Variants in CDK7 observed in about 807,000 individuals in gnomAD.
The protein encoded by CDK7 is cyclin dependent kinase 7.
A neutral mutation model predicts 49.1 loss-of-function variants in CDK7; 25 were observed. The ratio of observed to expected loss-of-function variants is 0.51; its 90% CI spans 0.37 to 0.71. The LOEUF (loss-of-function observed/expected upper bound fraction) is 0.71. CDK7 is among the 30% of genes least tolerant of loss of function. CDK7 has a pLI of 0.00. For missense variants in CDK7, 316 were observed against 411.7 expected, an observed-to-expected ratio of 0.77 and a Z score of 2.01; for synonymous variants, 107 against 140.0, an observed-to-expected ratio of 0.76 and a Z score of 1.67.
chr5:69,254,818 G>A (rs1170577760), intron 4 of CDK7, 149 bp downstream of exon 4: 19 of 576,944 alleles, frequency 3.3e-5, no homozygotes, highest in Non-Finnish European at 5.0e-5. Flanking sequence ...AGTTGTTTTG[G>A]TAGGCATTGT....
chr5:69,276,389 C>G (rs1752141689), intron 10 of CDK7, among the ~76,000 whole-genome samples, 154 bp from the exon 11 acceptor site: 2 of 152,142 alleles, frequency 1.3e-5, no homozygotes, highest in East Asian at 1.9e-4. Context: ...GTAGTAATTT[C>G]CATTTGCAAA....
chr5:69,255,820 T>G, intron 5 of CDK7: 1 of 363,654 alleles, frequency 2.7e-6, no homozygotes. Context: ...CTATAAGATT[T>G]GTTTGCTTTT....
intron 6 of CDK7, among the ~76,000 whole-genome samples, chr5:69,258,946 C>T (rs752414381): frequency 1.3e-5 from 2 of 151,964 alleles, no homozygotes; most frequent in African/African-American, 2.4e-5. Flanking sequence ...TGCAGTGGTG[C>T]ACACCTGTAG....
chr5:69,255,865 C>T, intron 5 of CDK7: 1 of 260,478 alleles, frequency 3.8e-6, no homozygotes, highest in South Asian at 3.8e-5. Flanking sequence ...GTCTGTTCAC[C>T]CAGCCTGGAG....
chr5:69,273,568 T>A (rs185244410), intron 10 of CDK7, among the ~76,000 whole-genome samples: 15 of 152,262 alleles, frequency 9.9e-5, no homozygotes, highest in Admixed American at 3.9e-4. Flanking sequence ...TGAAAAATAT[T>A]TGAAATAAAA....
intron 2 of CDK7, among the ~76,000 whole-genome samples, chr5:69,250,442 C>T (rs150774103): frequency 1.1e-4 from 17 of 152,290 alleles, no homozygotes; most frequent in African/African-American, 3.6e-4. Flanking sequence ...GGAGTTGCTC[C>T]TGTGTCCATC....
At chr5:69,257,659 G>A (rs1203206670) in intron 5 of CDK7, among the ~76,000 whole-genome samples, 1 of 152,166 alleles carries the variant, frequency 6.6e-6, no homozygotes, top group Non-Finnish European at 1.5e-5. Context: ...GTGATAATGG[G>A]GATGCCTGGG....
chr5:69,260,965 G>A (rs544928076), intron 7 of CDK7, among the ~76,000 whole-genome samples: 2 of 152,094 alleles, frequency 1.3e-5, no homozygotes, highest in South Asian at 2.1e-4. Flanking sequence ...CCACAGGCAC[G>A]CCCCACCATG....
intron 2 of CDK7, among the ~76,000 whole-genome samples, chr5:69,241,091 A>C (rs1239120225): frequency 2.0e-5 from 3 of 152,162 alleles, no homozygotes; most frequent in African/African-American, 4.8e-5. Context: ...TTCTGTTGGC[A>C]TATATACATA....
chr5:69,263,067 T>C (rs1750936589), intron 8 of CDK7, among the ~76,000 whole-genome samples: 1 of 152,202 alleles, frequency 6.6e-6, no homozygotes, highest in Non-Finnish European at 1.5e-5. Context: ...ACAGATACAA[T>C]GTTACTATAG....
chr5:69,262,325 G>T, intron 8 of CDK7, 21 bp downstream of exon 8: 1 of 1,613,842 alleles, frequency 6.2e-7, no homozygotes, highest in Non-Finnish European at 8.5e-7. Flanking sequence ...ATTAATGTAC[G>T]CACTTTAATA....
intron 9 of CDK7, among the ~76,000 whole-genome samples, chr5:69,270,537 A>G (rs142812329): frequency 5.9e-5 from 9 of 152,324 alleles, no homozygotes; most frequent in Non-Finnish European, 1.2e-4. Flanking sequence ...TCAGTACAGT[A>G]TCACACCAGG....
At chr5:69,250,900 C>G (rs1473842178) in intron 2 of CDK7, 11 of 455,832 alleles carry the variant, frequency 2.4e-5, no homozygotes, top group African/African-American at 2.2e-4. Context: ...ATCATGAATC[C>G]TAAATGGTCT....
At chr5:69,249,290 C>T (rs1191320993) in intron 2 of CDK7, among the ~76,000 whole-genome samples, 1 of 152,154 alleles carries the variant, frequency 6.6e-6, no homozygotes, top group Admixed American at 6.6e-5. Flanking sequence ...CCTGTAATCC[C>T]AGCACTTTGG....
rs1458098192 is a variant in CDK7, at chr5:69,234,999, G to A, written c.24G>A (p.Arg8=). 1.2e-6 allele frequency: 2 copies of A among 1,602,284 alleles called. No homozygotes were observed. Among genetic ancestry groups the A allele is most frequent in the Non-Finnish European group, 1.7e-6 (2 of 1,174,830 alleles). ...GGATGGCTCTGGACGTGAAGTCTCG[G>A]GCAAAGCGTTATGAGAAGCTGGACT... MALDVKS[R]AKRYEKLDFL... is the part of the protein sequence containing the mutation. Residue 8 remains arginine, a synonymous_variant, in exon 1 of 12, where the codon CGG becomes CGA. Coordinates refer to ENST00000256443, the MANE Select transcript of CDK7 (RefSeq NM_001799.4).
intron 8 of CDK7, among the ~76,000 whole-genome samples, chr5:69,267,615 A>C (rs1272434579): frequency 2.0e-5 from 3 of 152,134 alleles, no homozygotes; most frequent in African/African-American, 7.2e-5. Flanking sequence ...GGATTCTTTA[A>C]TCATAACCAC....
chr5:69,238,810 C>T (rs1031263254), intron 2 of CDK7, among the ~76,000 whole-genome samples: 1 of 151,968 alleles, frequency 6.6e-6, no homozygotes, highest in Admixed American at 6.6e-5. Flanking sequence ...GATCTGCCCA[C>T]CTCGGCCTCC....
At chr5:69,261,737 G>A (rs1360842206) in intron 7 of CDK7, among the ~76,000 whole-genome samples, 2 of 151,990 alleles carry the variant, frequency 1.3e-5, no homozygotes, top group Non-Finnish European at 2.9e-5. Context: ...CACTATGTTG[G>A]CCAGGCTGGT....
At chr5:69,259,167 T>G (rs1750671199) in intron 6 of CDK7, among the ~76,000 whole-genome samples, 1 of 152,118 alleles carries the variant, frequency 6.6e-6, no homozygotes, top group South Asian at 2.1e-4. Flanking sequence ...ATAGAGATGG[T>G]CTTGGATTAA....
Sources: allele counts gnomAD v4.1 joint callset (sites outside exome capture counted in the v4.1 genomes callset), GRCh38; gene constraint gnomAD v4.1.1; transcripts MANE v1.5; gene names NCBI Gene and HGNC (gene_info 2026-07-23, HGNC 2026-07-21).